The following TMEM132D variants were observed in gnomAD, a reference collection of about 807,000 sequenced individuals.
The protein encoded by TMEM132D is transmembrane protein 132D.
A neutral mutation model predicts 62.3 loss-of-function variants in TMEM132D; 21 were observed. That is an observed-to-expected ratio of 0.34 (90% CI 0.24 to 0.49). TMEM132D has a LOEUF of 0.49. Among genes scored for constraint, TMEM132D ranks in the 20% least tolerant of loss-of-function variants. TMEM132D has a pLI of 0.99. For missense variants in TMEM132D, 1,346 were observed against 1,402.8 expected, an observed-to-expected ratio of 0.96 and a Z score of 0.65; for synonymous variants, 621 against 575.6, an observed-to-expected ratio of 1.08 and a Z score of -1.13.
At chr12:129,799,201 G>T (rs1219434716) in intron 1 of TMEM132D, among the ~76,000 whole-genome samples, 2 of 152,088 alleles carry the variant, frequency 1.3e-5, no homozygotes, top group Admixed American at 1.3e-4. Flanking sequence ...GAGGGTGGAG[G>T]TTGCAGTGAG....
intron 5 of TMEM132D, among the ~76,000 whole-genome samples, chr12:129,158,122 G>A (rs550643014): frequency 1.3e-4 from 20 of 152,286 alleles, no homozygotes; most frequent in East Asian, 1.2e-3. Flanking sequence ...AAAAAGTTAC[G>A]TAGGGAGTTG....
Position 129,724,117 on chromosome 12 carries a change from A to T in TMEM132D, c.80-23419T>A, listed in dbSNP as rs1473244823. Among the ~76,000 whole-genome samples, 3 of 152,346 alleles carry T rather than the reference A, an allele frequency of 2.0e-5. No homozygotes were observed. The South Asian group carries it at 6.2e-4, about 32-fold the overall frequency. ...GATGCCACGTTTGAGTAGAAGGCAC[A>T]TTTGAGATGACTATGCCCAAGACAG... On this transcript the variant is annotated intron_variant, in intron 1 of 8. Coordinates refer to ENST00000422113, the MANE Select transcript of TMEM132D (RefSeq NM_133448.3).
chr12:129,881,039 A>C lies in TMEM132D; in HGVS notation c.79+22222T>G, dbSNP rs914496947. On this transcript the variant is annotated intron_variant, in intron 1 of 8. Coordinates refer to ENST00000422113, the MANE Select transcript of TMEM132D (RefSeq NM_133448.3). The stretch of plus-strand genomic sequence containing the variant: ...AATAAAAGGATAGGGAAAATACACC[A>C]AGTGACCTGAAGTAGTTATATTAAT... Among the ~76,000 whole-genome samples the C allele has an allele frequency of 2.0e-5, 3 of 152,130 alleles. No individual in the cohort carries two copies. The South Asian group carries it at 6.2e-4, about 31-fold the overall frequency.
chr12:129,323,984 A>C (rs1362860218), intron 4 of TMEM132D, among the ~76,000 whole-genome samples: 1 of 152,156 alleles, frequency 6.6e-6, no homozygotes, highest in Non-Finnish European at 1.5e-5. Context: ...TTCACCCAAA[A>C]TTCCATATAA....
At chr12:129,192,315 G>T (rs1258007017) in intron 5 of TMEM132D, among the ~76,000 whole-genome samples, 1 of 138,340 alleles carries the variant, frequency 7.2e-6, no homozygotes, top group Non-Finnish European at 1.6e-5. Flanking sequence ...CTGTAGCCAT[G>T]ACCTCCAAAG....
chr12:129,757,235 C>T (rs1260780384), intron 1 of TMEM132D, among the ~76,000 whole-genome samples: 1 of 152,094 alleles, frequency 6.6e-6, no homozygotes, highest in African/African-American at 2.4e-5. Flanking sequence ...TTTACCAGCT[C>T]GCAGACCCTG....
At chr12:129,231,941 C>T (rs2135579089) in intron 4 of TMEM132D, among the ~76,000 whole-genome samples, 1 of 152,326 alleles carries the variant, frequency 6.6e-6, no homozygotes, top group East Asian at 1.9e-4. Context: ...CTTGGGCCTG[C>T]TTCTTCCAAT....
At chr12:129,217,641 A>C (rs2135571679) in intron 4 of TMEM132D, among the ~76,000 whole-genome samples, 1 of 152,314 alleles carries the variant, frequency 6.6e-6, no homozygotes, top group Middle Eastern at 3.4e-3. Context: ...TGTGTGAGGC[A>C]CATTTGAGAA....
chr12:129,601,111 C>T (rs1475954449), intron 2 of TMEM132D, among the ~76,000 whole-genome samples: 1 of 152,222 alleles, frequency 6.6e-6, no homozygotes, highest in Admixed American at 6.5e-5. Flanking sequence ...ACTAGATCTT[C>T]TGGAGAACTT....
chr12:129,513,738 G>A (rs1049254830), intron 3 of TMEM132D, among the ~76,000 whole-genome samples: 6 of 151,558 alleles, frequency 4.0e-5, no homozygotes, highest in African/African-American at 1.2e-4. Context: ...GCCCGTCTCA[G>A]CCTCTCAAAG....
rs1030631947 is a variant in TMEM132D, at chr12:129,295,382, C to T, written c.1299+42252G>A. 2.0e-5 allele frequency among the ~76,000 whole-genome samples: 3 copies of T among 150,976 alleles called. No individual in the cohort carries two copies. The East Asian group carries it at 5.9e-4, about 30-fold the overall frequency. The stretch of plus-strand genomic sequence containing the variant: ...TCCAGGGAACACTGCCAGCTAGACT[C>T]GTGCTGCAGATTTTGGACTTCCCTG... On this transcript the variant is annotated intron_variant, in intron 4 of 8. Coordinates refer to ENST00000422113, the MANE Select transcript of TMEM132D (RefSeq NM_133448.3).
At position 129,126,358 on chromosome 12, in the gene TMEM132D, C is replaced by CT. The variant is rs397938044; in HGVS notation, c.1444-41657dup. ...CATTCTCTTGCCTCAGTTTCTCTCT[C>CT]TTTTTTTTTTTTTTTAGCAATAATC... On this transcript the variant is annotated intron_variant, in intron 5 of 8. Coordinates refer to ENST00000422113, the MANE Select transcript of TMEM132D (RefSeq NM_133448.3). Among the ~76,000 whole-genome samples, 258 of 147,418 alleles carry CT rather than the reference C, an allele frequency of 1.8e-3. 4 individuals carry two copies. The highest frequency in any genetic ancestry group is 4.9e-3 in the African/African-American group (193 of 39,664).
chr12:129,661,243 G>A (rs755374006), intron 2 of TMEM132D, among the ~76,000 whole-genome samples: 38 of 152,200 alleles, frequency 2.5e-4, no homozygotes, highest in Non-Finnish European at 1.2e-4. Context: ...TTAAAGCCAT[G>A]GACGCAGGCA....
intron 2 of TMEM132D, among the ~76,000 whole-genome samples, chr12:129,602,557 G>A (rs1432389550): frequency 1.3e-5 from 2 of 152,180 alleles, no homozygotes; most frequent in Non-Finnish European, 2.9e-5. Context: ...AACTCCGGTG[G>A]CAGAAATGTG....
chr12:129,487,106 G>C (rs1874607256), intron 3 of TMEM132D, among the ~76,000 whole-genome samples: 1 of 151,994 alleles, frequency 6.6e-6, no homozygotes, highest in Non-Finnish European at 1.5e-5. Context: ...TGTTTCAGCT[G>C]AACCTTGATG....
At chr12:129,305,405 G>C (rs1377165767) in intron 4 of TMEM132D, among the ~76,000 whole-genome samples, 1 of 152,122 alleles carries the variant, frequency 6.6e-6, no homozygotes, top group Non-Finnish European at 1.5e-5. Context: ...CCTGTCCTGA[G>C]GCTTGGCAAA....
intron 2 of TMEM132D, among the ~76,000 whole-genome samples, chr12:129,575,051 T>A (rs1325576317): frequency 6.6e-6 from 1 of 151,708 alleles, no homozygotes; most frequent in Non-Finnish European, 1.5e-5. Flanking sequence ...GCGCTACATA[T>A]GGAGTCTAAG....
chr12:129,669,190 A>T (rs1456089892), intron 2 of TMEM132D, among the ~76,000 whole-genome samples: 1 of 152,270 alleles, frequency 6.6e-6, no homozygotes, highest in African/African-American at 2.4e-5. Context: ...GGCCAAGTAC[A>T]GTAAAGCTAA....
Position 129,903,537 on chromosome 12 carries a change from T to C in TMEM132D, c.-198A>G. ...GGGAGGCGACGACCGCGCGGGCTCC[T>C]GAGTTGCTCTCCGGAGTCCAACACG... On this transcript the variant is annotated 5_prime_UTR_variant, in exon 1 of 9. Coordinates refer to ENST00000422113, the MANE Select transcript of TMEM132D (RefSeq NM_133448.3). This position sits in a 1 kb window ranked among gnomAD's most constrained non-coding sequence, Gnocchi z 6.2. 1 of 588,322 alleles carries C rather than the reference T, an allele frequency of 1.7e-6. No homozygotes were observed. Among genetic ancestry groups the C allele is most frequent in the Non-Finnish European group, 3.0e-6 (1 of 329,634 alleles). 36.4% of individuals were successfully genotyped at this position (588,322 alleles called of 1,614,324 possible).
Sources: gnomAD v4.1 joint callset for allele counts (sites outside exome capture counted in the v4.1 genomes callset) on GRCh38, gnomAD v4.1.1 for gene constraint, Gnocchi (gnomAD v3.1) non-coding constraint, MANE v1.5 for transcripts, NCBI Gene and HGNC (gene_info 2026-07-23, HGNC 2026-07-21) for gene names.